SHISA9: variants seen among roughly 807,000 people sequenced by gnomAD.
SHISA9 encodes shisa family member 9.
A neutral mutation model predicts 38.0 loss-of-function variants in SHISA9; 13 were observed. That is an observed-to-expected ratio of 0.34 (90% CI 0.22 to 0.54). The LOEUF (loss-of-function observed/expected upper bound fraction) is 0.54, where lower values mean the gene tolerates loss of function less well. Among genes scored for constraint, SHISA9 ranks in the 20% least tolerant of loss-of-function variants. The pLI is 0.91. For synonymous variants in SHISA9, 275 were observed against 242.0 expected (o/e 1.14, Z -1.27); for missense variants, 538 against 575.8 (o/e 0.93, Z 0.67).
intron 2 of SHISA9, among the ~76,000 whole-genome samples, chr16:13,079,668 T>C (rs775267797): frequency 2.0e-5 from 3 of 152,328 alleles, no homozygotes; most frequent in East Asian, 3.9e-4. Flanking sequence ...GGCATTTGCA[T>C]TCCCCTTGAT....
At position 13,089,894 on chromosome 16, in the gene SHISA9, A is replaced by G. The variant is rs372724818; in HGVS notation, c.692-113500A>G. 5.3e-4 allele frequency among the ~76,000 whole-genome samples: 81 copies of G among 152,190 alleles called. 1 individual carries two copies. In the East Asian group the frequency reaches 0.011, roughly 20 times the overall value. ...CTCTAGTTCTTTTCATTGTGATGTT[A>G]TGGTGTCAATTTTAGGTCTTTCCTG... On this transcript the variant is annotated intron_variant, in intron 2 of 4. Coordinates refer to ENST00000558583, the MANE Select transcript of SHISA9 (RefSeq NM_001145204.3).
intron 2 of SHISA9, among the ~76,000 whole-genome samples, chr16:13,087,403 T>G (rs1389682858): frequency 6.6e-6 from 1 of 152,168 alleles, no homozygotes; most frequent in Non-Finnish European, 1.5e-5. Context: ...ATCGCCACAC[T>G]GTCTTCCACA....
chr16:13,310,537 A>C, the SHISA9 span, among the ~76,000 whole-genome samples: 1 of 152,144 alleles, frequency 6.6e-6, no homozygotes, highest in East Asian at 1.9e-4. Flanking sequence ...CTAAGTCAAT[A>C]AGGTTAGGAT....
the SHISA9 span, among the ~76,000 whole-genome samples, chr16:13,259,301 G>C: frequency 6.6e-6 from 1 of 152,160 alleles, no homozygotes; most frequent in Non-Finnish European, 1.5e-5. Context: ...GTCTTGGGCA[G>C]CTTTGCCCCT....
At chr16:13,178,958 C>G (rs1282014845) in intron 2 of SHISA9, among the ~76,000 whole-genome samples, 1 of 152,154 alleles carries the variant, frequency 6.6e-6, no homozygotes, top group Non-Finnish European at 1.5e-5. Flanking sequence ...AGCAAACTTT[C>G]TTCCTATCTC....
chr16:13,502,884 TA>T, the SHISA9 span, among the ~76,000 whole-genome samples: 1 of 151,246 alleles, frequency 6.6e-6, no homozygotes, highest in Non-Finnish European at 1.5e-5. Context: ...TCGAAAAAAA[TA>T]AGTAAATAAA....
chr16:13,040,616 A>T (rs1424455710), intron 2 of SHISA9, among the ~76,000 whole-genome samples: 1 of 152,164 alleles, frequency 6.6e-6, no homozygotes, highest in Non-Finnish European at 1.5e-5. Flanking sequence ...GAGAGCAGGG[A>T]TCTCATCTAC....
chr16:13,114,676 C>T (rs558653924), intron 2 of SHISA9, among the ~76,000 whole-genome samples: 30 of 151,950 alleles, frequency 2.0e-4, no homozygotes, highest in Middle Eastern at 6.8e-3. Flanking sequence ...CACCCTCTCC[C>T]GACCAGGCAA....
chr16:13,438,295 G>A, the SHISA9 span, among the ~76,000 whole-genome samples: 1 of 152,176 alleles, frequency 6.6e-6, no homozygotes, highest in South Asian at 2.1e-4. Flanking sequence ...AGGTTTAGAC[G>A]AGGTTAAGTA....
the SHISA9 span, among the ~76,000 whole-genome samples, chr16:13,375,436 C>T: frequency 1.3e-5 from 2 of 152,238 alleles, no homozygotes; most frequent in African/African-American, 2.4e-5. Context: ...GGAATCCTTT[C>T]CCCATTTCTT....
the SHISA9 span, among the ~76,000 whole-genome samples, chr16:13,420,700 C>G: frequency 6.6e-6 from 1 of 152,124 alleles, no homozygotes; most frequent in African/African-American, 2.4e-5. Flanking sequence ...ATGAGACAAC[C>G]CTTCAACCCA....
the SHISA9 span, among the ~76,000 whole-genome samples, chr16:13,315,227 G>A: frequency 1.3e-5 from 2 of 152,222 alleles, no homozygotes; most frequent in Non-Finnish European, 2.9e-5. Flanking sequence ...ACAGTGATTT[G>A]TAAAGAAGAA....
At chr16:13,490,704 G>A in the SHISA9 span, among the ~76,000 whole-genome samples, 14 of 152,236 alleles carry the variant, frequency 9.2e-5, no homozygotes, top group South Asian at 6.2e-4. Context: ...TGATCCACTC[G>A]AGCTCTTTGG....
chr16:13,070,931 G>A (rs1421598300), intron 2 of SHISA9, among the ~76,000 whole-genome samples: 1 of 152,170 alleles, frequency 6.6e-6, no homozygotes, highest in Non-Finnish European at 1.5e-5. Context: ...GGATAGATTA[G>A]ATAGCTCCTT....
At chr16:12,903,630 G>A (rs1332428773) in intron 1 of SHISA9, among the ~76,000 whole-genome samples, 1 of 152,244 alleles carries the variant, frequency 6.6e-6, no homozygotes, top group Admixed American at 6.5e-5. Flanking sequence ...GCTGGGGGTT[G>A]GCGTGAGGTC....
chr16:13,351,411 C>G, the SHISA9 span, among the ~76,000 whole-genome samples: 1,564 of 152,242 alleles, frequency 0.01, 20 homozygotes, highest in Middle Eastern at 0.037. Context: ...AGATAGAAGA[C>G]AAGTACAACA....
chr16:12,940,034 A>G (rs2071588802), intron 2 of SHISA9, among the ~76,000 whole-genome samples: 1 of 152,224 alleles, frequency 6.6e-6, no homozygotes, highest in African/African-American at 2.4e-5. Flanking sequence ...TCTGTAGGCA[A>G]CTAAAGGTTG....
At chr16:13,316,833 T>C in the SHISA9 span, among the ~76,000 whole-genome samples, 2 of 152,192 alleles carry the variant, frequency 1.3e-5, no homozygotes, top group African/African-American at 2.4e-5. Flanking sequence ...TTCAGAGATA[T>C]TAGATAACTT....
At chr16:13,487,348 G>A in the SHISA9 span, among the ~76,000 whole-genome samples, 7 of 152,210 alleles carry the variant, frequency 4.6e-5, no homozygotes, top group Non-Finnish European at 8.8e-5. Flanking sequence ...TCTGTAGGGC[G>A]TACAGGAAGC....
Sources: gnomAD v4.1 joint callset for allele counts (sites outside exome capture counted in the v4.1 genomes callset) on GRCh38, gnomAD v4.1.1 for gene constraint, MANE v1.5 for transcripts, NCBI Gene and HGNC (gene_info 2026-07-23, HGNC 2026-07-21) for gene names.